Variants in AKR1C3 observed in about 807,000 individuals in gnomAD.
AKR1C3 encodes the protein 3-alpha hydroxysteroid dehydrogenase, type II.
In AKR1C3, 48 loss-of-function variants were observed where a neutral mutation model predicts 43.6. That is an observed-to-expected ratio of 1.10 (90% confidence interval 0.87 to 1.40). The LOEUF is 1.40. AKR1C3 is among the 40% of genes most tolerant of loss of function. The pLI is 0.00. For synonymous variants in AKR1C3, 162 were observed against 139.6 expected (o/e 1.16, Z -1.13); for missense variants, 482 against 391.2 (o/e 1.23, Z -1.96).
At chr10:5,090,985 G>GA (rs1279076679), upstream of AKR1C3, among the ~76,000 whole-genome samples, 1 of 152,116 alleles carries the variant, frequency 6.6e-6, no homozygotes, top group African/African-American at 2.4e-5. Context: ...AGAATGTTTT[G>GA]ATAGCATGAT....
chr10:5,065,510 A>G (rs1291390538), intron 1 of AKR1C3, among the ~76,000 whole-genome samples: 1 of 152,196 alleles, frequency 6.6e-6, no homozygotes, highest in Non-Finnish European at 1.5e-5. Flanking sequence ...TGGCTTCTTG[A>G]ACAAAGAATT....
chr10:5,078,221 C>T (rs887324691), intron 1 of AKR1C3, among the ~76,000 whole-genome samples: 12 of 152,092 alleles, frequency 7.9e-5, no homozygotes, highest in Non-Finnish European at 1.3e-4. Flanking sequence ...GTTGGGAGTT[C>T]GAGACCAGCC....
chr10:5,084,710 C>T (rs12571915), intron 1 of AKR1C3, among the ~76,000 whole-genome samples: 68,640 of 151,818 alleles, frequency 0.45, 16,416 homozygotes, highest in East Asian at 0.86. Flanking sequence ...TACCCATGAG[C>T]ATGGAATATT....
upstream of AKR1C3, among the ~76,000 whole-genome samples, chr10:5,091,213 A>C (rs1425334870): frequency 6.6e-6 from 1 of 152,092 alleles, no homozygotes; most frequent in Non-Finnish European, 1.5e-5. Flanking sequence ...GAGAGAAAAA[A>C]AACTGATGAT....
chr10:5,082,805 T>C (rs938704062), intron 1 of AKR1C3, among the ~76,000 whole-genome samples: 1 of 152,192 alleles, frequency 6.6e-6, no homozygotes, highest in East Asian at 1.9e-4. Context: ...TGATACTAGT[T>C]TAGTAGAACA....
upstream of AKR1C3, chr10:5,094,396 C>G: frequency 1.3e-6 from 2 of 1,596,346 alleles, no homozygotes; most frequent in Non-Finnish European, 1.7e-6. Flanking sequence ...TTTGTAATCT[C>G]TGAGGAGAAG....
upstream of AKR1C3, among the ~76,000 whole-genome samples, chr10:5,092,148 GATC>G (rs1260438815): frequency 1.4e-4 from 21 of 152,012 alleles, no homozygotes; most frequent in African/African-American, 4.6e-4. Context: ...AAAATCTGTT[GATC>G]ATCTTGAACA....
chr10:5,093,223 TAA>T (rs1417980843), upstream of AKR1C3, among the ~76,000 whole-genome samples: 2 of 152,212 alleles, frequency 1.3e-5, no homozygotes, highest in South Asian at 2.1e-4. Context: ...CATAAATAAA[TAA>T]GTTTATTTTA....
At chr10:5,092,790 C>T (rs1839123245), upstream of AKR1C3, among the ~76,000 whole-genome samples, 1 of 152,016 alleles carries the variant, frequency 6.6e-6, no homozygotes, top group Non-Finnish European at 1.5e-5. Context: ...TTTCAGTGCT[C>T]ATGGTTCTTC....
intron 1 of AKR1C3, among the ~76,000 whole-genome samples, chr10:5,075,422 G>GC (rs1288928415): frequency 5.9e-5 from 9 of 152,134 alleles, no homozygotes; most frequent in African/African-American, 2.2e-4. Context: ...TAACGCCATG[G>GC]CCCCCCTTGA....
At chr10:5,051,550 G>A (rs1838153747) in intron 1 of AKR1C3, among the ~76,000 whole-genome samples, 1 of 152,218 alleles carries the variant, frequency 6.6e-6, no homozygotes. Context: ...ACTAATGGCA[G>A]CTTCCTAGAA....
At position 5,076,046 on chromosome 10, in the gene AKR1C3, A is replaced by G. The variant is rs182998347; in HGVS notation, c.85-20364A>G. 1.3e-3 allele frequency among the ~76,000 whole-genome samples: 205 copies of G among 152,246 alleles called. 1 individual carries two copies. Among genetic ancestry groups the G allele is most frequent in the African/African-American group, 4.7e-3 (194 of 41,538 alleles). On this transcript the variant is annotated intron_variant, in intron 1 of 8. Coordinates refer to the AKR1C3 transcript ENST00000439082. ...TCACCCTTTATTTTTGGAATCACCCAGGATCCTTTTAGCAACCACCTTTCA... is the reference window on the plus strand; with the variant it reads ...TCACCCTTTATTTTTGGAATCACCCGGGATCCTTTTAGCAACCACCTTTCA...
intron 1 of AKR1C3, among the ~76,000 whole-genome samples, chr10:5,072,432 T>C (rs782224989): frequency 1.3e-5 from 2 of 152,256 alleles, no homozygotes; most frequent in African/African-American, 2.4e-5. Flanking sequence ...TGCTCATGTC[T>C]TAGACTATTT....
At chr10:5,098,162 G>T in intron 3 of AKR1C3, 1 of 985,846 alleles carries the variant, frequency 1.0e-6, no homozygotes, top group Non-Finnish European at 1.2e-6. Context: ...ACTGAGTTAT[G>T]TAAAATGGGA....
At chr10:5,070,495 C>T (rs948744373) in intron 1 of AKR1C3, among the ~76,000 whole-genome samples, 9 of 152,140 alleles carry the variant, frequency 5.9e-5, no homozygotes, top group Non-Finnish European at 1.2e-4. Context: ...TCACTGGTTG[C>T]CTGGTGTACA....
chr10:5,062,400 C>T (rs1838399356), intron 1 of AKR1C3, among the ~76,000 whole-genome samples: 1 of 152,120 alleles, frequency 6.6e-6, no homozygotes, highest in Non-Finnish European at 1.5e-5. Flanking sequence ...TGGTCTCTGG[C>T]TTTAAATACC....
In AKR1C3 at chr10:5,102,499, C is replaced by T. The variant is rs782120719; in HGVS notation, c.695C>T (p.Ser232Phe). The T allele has an allele frequency of 1.3e-6, 2 of 1,558,224 alleles. No homozygotes were observed. Among genetic ancestry groups the T allele is most frequent in the Non-Finnish European group, 1.7e-6 (2 of 1,154,944 alleles). Residue 232 changes from serine (S) to phenylalanine (F), a missense_variant, in exon 7 of 9, where the codon TCC (serine) becomes TTC (phenylalanine). By Grantham distance (155) the Ser-to-Phe change is radical. Transcript: ENST00000380554. ...TTTCCTTCCAGGGTGGACCCGAACT[C>T]CCCGGTGCTCTTGGAGGACCCAGTC... ...QRDKRWVDPNSPVLLEDPVLC... is the reference protein window; with the variant it reads ...QRDKRWVDPNFPVLLEDPVLC...
At chr10:5,082,612 T>C (rs781914550) in intron 1 of AKR1C3, among the ~76,000 whole-genome samples, 1 of 152,230 alleles carries the variant, frequency 6.6e-6, no homozygotes, top group Non-Finnish European at 1.5e-5. Context: ...GATTTGTGTA[T>C]GTTTAATCAT....
intron 8 of AKR1C3, 31 bp downstream of exon 8, chr10:5,105,708 T>G: frequency 6.4e-7 from 1 of 1,559,074 alleles, no homozygotes; most frequent in Non-Finnish European, 8.8e-7. Flanking sequence ...GGTGATCTAA[T>G]TTATTTCTGG....
Sources: gnomAD v4.1 joint callset for allele counts (sites outside exome capture counted in the v4.1 genomes callset) on GRCh38, gnomAD v4.1.1 for gene constraint, MANE v1.5 for transcripts, NCBI Gene and HGNC (gene_info 2026-07-23, HGNC 2026-07-21) for gene names.